The following CATSPERE variants were observed in gnomAD, a reference collection of about 807,000 sequenced individuals.
The protein encoded by CATSPERE is cation channel sperm-associated auxiliary subunit epsilon.
In CATSPERE, 93 loss-of-function variants were observed where a neutral mutation model predicts 114.1. That is an observed-to-expected ratio of 0.81 (90% CI 0.69 to 0.97). The LOEUF (loss-of-function observed/expected upper bound fraction) is 0.97, where lower values mean the gene tolerates loss of function less well. CATSPERE is among the 50% of genes least tolerant of loss of function. The pLI is 0.00. For missense variants in CATSPERE, 1,058 were observed against 1,131.6 expected (o/e 0.93, Z 0.93); for synonymous variants, 341 against 384.1 (o/e 0.89, Z 1.31).
upstream of CATSPERE, chr1:244,451,794 C>T (rs777310491): frequency 6.3e-6 from 10 of 1,595,142 alleles, no homozygotes; most frequent in Middle Eastern, 1.9e-4. This position sits in a 1 kb window ranked among gnomAD's most constrained non-coding sequence, Gnocchi z 6.6. Flanking sequence ...AGGATGCCGC[C>T]GGGTAGGTCT....
At chr1:244,533,078 G>T (rs1258446756) in intron 8 of CATSPERE, among the ~76,000 whole-genome samples, 1 of 151,970 alleles carries the variant, frequency 6.6e-6, no homozygotes, top group Non-Finnish European at 1.5e-5. Flanking sequence ...ATGCCCTCTT[G>T]CTGAATTGAC....
At chr1:244,536,003 T>C (rs550323823) in intron 8 of CATSPERE, among the ~76,000 whole-genome samples, 6 of 152,126 alleles carry the variant, frequency 3.9e-5, no homozygotes, top group African/African-American at 1.4e-4. Context: ...TGGGTCCTTC[T>C]CTTCAAGGCA....
chr1:244,531,988 T>C (rs1431033062), intron 8 of CATSPERE, among the ~76,000 whole-genome samples: 1 of 152,198 alleles, frequency 6.6e-6, no homozygotes, highest in Non-Finnish European at 1.5e-5. Context: ...CTTTTTACTA[T>C]GGCTTCAATC....
At chr1:244,455,259 C>A (rs564722634) in intron 1 of CATSPERE, among the ~76,000 whole-genome samples, 12 of 152,134 alleles carry the variant, frequency 7.9e-5, no homozygotes, top group African/African-American at 2.7e-4. Context: ...TCCCGCGTCC[C>A]CCCGCTCCCA....
At chr1:244,632,490 A>C (rs1007591345) in intron 20 of CATSPERE, among the ~76,000 whole-genome samples, 1 of 152,022 alleles carries the variant, frequency 6.6e-6, no homozygotes, top group African/African-American at 2.4e-5. Flanking sequence ...AAACAATGGC[A>C]CAAAGGATGG....
chr1:244,510,072 T>C (rs1182401388), intron 7 of CATSPERE, among the ~76,000 whole-genome samples: 2 of 152,160 alleles, frequency 1.3e-5, no homozygotes, highest in African/African-American at 4.8e-5. Context: ...CTATTTCATT[T>C]AGTTCTGCTC....
At position 244,521,054 on chromosome 1, in the gene CATSPERE, C is replaced by G. The variant is rs189697409; in HGVS notation, c.536+2356C>G. On this transcript the variant is annotated intron_variant, in intron 8 of 21. Transcript: ENST00000366534. ...TGCCAAATCCTGAATAGAATATTATCAAATAAATTTAGCAATAGGCCAGGC... is the reference window on the plus strand; with the variant it reads ...TGCCAAATCCTGAATAGAATATTATGAAATAAATTTAGCAATAGGCCAGGC... Among the ~76,000 whole-genome samples the G allele has an allele frequency of 2.6e-3, 402 of 152,204 alleles. 3 individuals are homozygous for G. Among genetic ancestry groups the G allele is most frequent in the African/African-American group, 9.2e-3 (382 of 41,524 alleles).
At position 244,600,775 on chromosome 1, in the gene CATSPERE, T is replaced by C. The variant is rs548614550; in HGVS notation, c.2304-4920T>C. On this transcript the variant is annotated intron_variant, in intron 17 of 21. Transcript: ENST00000366534. ...GAATCGATCATCAAATCCAGAGATA[T>C]AGGATCCTCACTGGAAAAGTCACCA... 1.6e-3 allele frequency among the ~76,000 whole-genome samples: 239 copies of C among 150,050 alleles called. 1 individual carries two copies. The highest frequency in any genetic ancestry group is 5.8e-3 in the African/African-American group (235 of 40,604).
At chr1:244,634,381 T>C (rs1464497673) in intron 20 of CATSPERE, among the ~76,000 whole-genome samples, 5 of 152,164 alleles carry the variant, frequency 3.3e-5, no homozygotes, top group Admixed American at 3.3e-4. Flanking sequence ...GAGGGGTAAA[T>C]GAAGCATCTG....
At chr1:244,490,629 A>G (rs1671919507) in intron 6 of CATSPERE, among the ~76,000 whole-genome samples, 158 bp downstream of exon 6, 1 of 152,154 alleles carries the variant, frequency 6.6e-6, no homozygotes, top group Non-Finnish European at 1.5e-5. Context: ...CAGGAGGTCC[A>G]TGAGGTTCAC....
chr1:244,631,694 G>T (rs1315731971), intron 20 of CATSPERE, among the ~76,000 whole-genome samples: 1 of 152,144 alleles, frequency 6.6e-6, no homozygotes, highest in Non-Finnish European at 1.5e-5. Flanking sequence ...AAAAGCATAT[G>T]AAAAAATGTT....
chr1:244,613,751 C>T (rs577023210), intron 19 of CATSPERE, among the ~76,000 whole-genome samples: 2 of 152,302 alleles, frequency 1.3e-5, no homozygotes, highest in Admixed American at 6.5e-5. Context: ...GATGATTAGT[C>T]AGTTCTGGTA....
chr1:244,488,980 A>C (rs535773834), intron 5 of CATSPERE, among the ~76,000 whole-genome samples: 1 of 152,238 alleles, frequency 6.6e-6, no homozygotes, highest in East Asian at 1.9e-4. Context: ...TGTACTAGAC[A>C]CTGCAGTAAT....
At chr1:244,469,141 A>C (rs190206986) in intron 2 of CATSPERE, among the ~76,000 whole-genome samples, 15 of 152,280 alleles carry the variant, frequency 9.9e-5, no homozygotes, top group African/African-American at 3.4e-4. Context: ...ATCATTGGGG[A>C]GGTTTATATG....
At chr1:244,612,802 C>T (rs1670907712) in intron 19 of CATSPERE, among the ~76,000 whole-genome samples, 3 of 152,148 alleles carry the variant, frequency 2.0e-5, no homozygotes, top group Non-Finnish European at 4.4e-5. Context: ...GCTGGGATTA[C>T]AGGCGCGGCA....
intron 19 of CATSPERE, chr1:244,610,637 A>C: frequency 2.7e-6 from 1 of 367,020 alleles, no homozygotes; most frequent in South Asian, 2.8e-5. Context: ...GCTCCCTTAC[A>C]TTAACCTCAG....
chr1:244,514,555 C>T (rs1409672802), intron 7 of CATSPERE, among the ~76,000 whole-genome samples: 1 of 152,012 alleles, frequency 6.6e-6, no homozygotes, highest in South Asian at 2.1e-4. Flanking sequence ...CTGGGCCGGG[C>T]GCGGTGGCTC....
intron 21 of CATSPERE, among the ~76,000 whole-genome samples, chr1:244,635,769 G>A (rs957455792): frequency 6.6e-6 from 1 of 152,182 alleles, no homozygotes; most frequent in African/African-American, 2.4e-5. Flanking sequence ...TCACTGCAAA[G>A]TCAATGGTTT....
intron 17 of CATSPERE, among the ~76,000 whole-genome samples, chr1:244,594,520 A>C (rs1035870496): frequency 1.3e-5 from 2 of 152,198 alleles, no homozygotes; most frequent in African/African-American, 4.8e-5. Context: ...TCACATTTCT[A>C]AATTTTTTGC....
Sources: gnomAD v4.1 joint callset for allele counts (sites outside exome capture counted in the v4.1 genomes callset) on GRCh38, gnomAD v4.1.1 for gene constraint, Gnocchi (gnomAD v3.1) non-coding constraint, MANE v1.5 for transcripts, NCBI Gene and HGNC (gene_info 2026-07-23, HGNC 2026-07-21) for gene names.